Variants in EFR3B observed in about 807,000 individuals in gnomAD.
EFR3B encodes protein EFR3 homolog B.
Under a neutral mutation model 104.7 loss-of-function variants are expected in EFR3B, and 64 were observed. The ratio of observed to expected loss-of-function variants is 0.61; its 90% CI spans 0.50 to 0.75. The LOEUF is 0.75. EFR3B is among the 30% of genes least tolerant of loss of function. The pLI is 0.00. For missense variants in EFR3B, 750 were observed against 1,078.5 expected (o/e 0.70, Z 4.27); for synonymous variants, 385 against 417.9 (o/e 0.92, Z 0.96).
At chr2:25,081,377 A>T in intron 1 of EFR3B, 1 of 1,025,970 alleles carries the variant, frequency 9.7e-7, no homozygotes, top group South Asian at 1.4e-5. Context: ...CAGTACTCAT[A>T]GTTACAGTTT....
chr2:25,142,254 C>A (rs1670689962), intron 17 of EFR3B, among the ~76,000 whole-genome samples: 1 of 152,022 alleles, frequency 6.6e-6, no homozygotes, highest in South Asian at 2.1e-4. Flanking sequence ...ACCATCCTGG[C>A]CAACATGGTG....
At chr2:25,151,305 G>T (rs892408584) in intron 20 of EFR3B, among the ~76,000 whole-genome samples, 2 of 152,014 alleles carry the variant, frequency 1.3e-5, no homozygotes, top group Admixed American at 1.3e-4. Flanking sequence ...ACCCAGGCTA[G>T]AGTGCAATGG....
At chr2:25,084,479 TC>T (rs1668895914) in intron 1 of EFR3B, among the ~76,000 whole-genome samples, 1 of 152,158 alleles carries the variant, frequency 6.6e-6, no homozygotes, top group South Asian at 2.1e-4. Context: ...TCTCACGTGA[TC>T]CACCTGTCTT....
chr2:25,155,829 T>C lies in EFR3B; in HGVS notation c.*1489T>C, dbSNP rs1671151246. Reference sequence around the variant, plus strand: ...TTCCAAAGGAGGCAGGGTGAGTAGATTTCTTGATCCAAAGGAATCCGTTTT... The same window carrying C: ...TTCCAAAGGAGGCAGGGTGAGTAGACTTCTTGATCCAAAGGAATCCGTTTT... On this transcript the variant is annotated 3_prime_UTR_variant, in exon 23 of 23. Transcript: ENST00000403714. 6.6e-6 allele frequency: 1 copy of C among 152,214 alleles called. No individual in the cohort carries two copies. The highest frequency in any genetic ancestry group is 2.4e-5 in the African/African-American group (1 of 41,458). The allele number at this position is 152,214 out of a possible 1,614,324, so 9.4% of individuals were successfully genotyped here.
chr2:25,051,872 TCA>T (rs1667880551), intron 1 of EFR3B, among the ~76,000 whole-genome samples: 5 of 150,440 alleles, frequency 3.3e-5, no homozygotes, highest in Non-Finnish European at 5.9e-5. Flanking sequence ...TCTCCTGACC[TCA>T]GGTGATCCGC....
At chr2:25,081,608 T>C (rs1668808112) in intron 1 of EFR3B, 1 of 788,584 alleles carries the variant, frequency 1.3e-6, no homozygotes, top group Non-Finnish European at 2.3e-6. Flanking sequence ...GCCTGAGCAG[T>C]GGCCCGCAGG....
At chr2:25,069,983 C>T (rs376741069) in intron 1 of EFR3B, among the ~76,000 whole-genome samples, 1 of 152,196 alleles carries the variant, frequency 6.6e-6, no homozygotes, top group Non-Finnish European at 1.5e-5. Context: ...AGGCCTGAGC[C>T]CCCACACCCA....
In EFR3B at chr2:25,155,368, A is replaced by G. The variant is rs1671132037; in HGVS notation, c.*1028A>G. On this transcript the variant is annotated 3_prime_UTR_variant, in exon 23 of 23. Transcript: ENST00000403714. ...GTTCCGTTTGAAGAAAGAAGGATCT[A>G]ACACCTAATATTGGAATGATTTCTT... 1 of 152,190 alleles carries G rather than the reference A, an allele frequency of 6.6e-6. No homozygotes were observed. The highest frequency in any genetic ancestry group is 1.5e-5 in the Non-Finnish European group (1 of 68,044). The allele number at this position is 152,190 out of a possible 1,614,324, so 9.4% of individuals were successfully genotyped here. A position where few individuals can be genotyped will look rare whatever the true frequency, so the allele number is the denominator to read the frequency against.
rs1669577368 is a variant in EFR3B at position 25,106,840 on chromosome 2, T to C, written c.363+3053T>C. 2.6e-5 allele frequency among the ~76,000 whole-genome samples: 4 copies of C among 152,336 alleles called. No individual in the cohort carries two copies. The South Asian group carries it at 8.3e-4, about 32-fold the overall frequency. On this transcript the variant is annotated intron_variant, in intron 4 of 22. Transcript: ENST00000403714. The stretch of plus-strand genomic sequence containing the variant: ...CTCAAGTGATCCACCTGCCTTGGCC[T>C]CCCAAAGTGCTGAGATTACAGGTGT...
At chr2:25,056,150 G>A (rs1395841740) in intron 1 of EFR3B, among the ~76,000 whole-genome samples, 1 of 152,150 alleles carries the variant, frequency 6.6e-6, no homozygotes, top group Non-Finnish European at 1.5e-5. Context: ...ATAACATTTT[G>A]TCATCTCAGC....
chr2:25,144,555 A>G (rs188828263), intron 18 of EFR3B, among the ~76,000 whole-genome samples: 1 of 152,168 alleles, frequency 6.6e-6, no homozygotes, highest in Non-Finnish European at 1.5e-5. Flanking sequence ...AAAAAAAACA[A>G]AAAAACAAAA....
intron 6 of EFR3B, among the ~76,000 whole-genome samples, chr2:25,129,132 G>C (rs539709022): frequency 1.3e-5 from 2 of 152,010 alleles, no homozygotes; most frequent in Admixed American, 6.6e-5. Context: ...GTAAGAGCTT[G>C]CAGATACTGG....
chr2:25,087,069 A>G (rs1036079400), intron 1 of EFR3B, among the ~76,000 whole-genome samples: 2 of 152,188 alleles, frequency 1.3e-5, no homozygotes, highest in Non-Finnish European at 1.5e-5. Context: ...TTACGGCAGA[A>G]GGGGAAGCAA....
chr2:25,045,783 C>CA (rs11379149), intron 1 of EFR3B, among the ~76,000 whole-genome samples: 3,534 of 138,450 alleles, frequency 0.026, 105 homozygotes, highest in East Asian at 0.098. Flanking sequence ...GACTCCATCT[C>CA]AAAAAAAAAA....
In EFR3B at chr2:25,121,231, T is replaced by G. The variant is rs189355876; in HGVS notation, c.364-442T>G. Among the ~76,000 whole-genome samples the G allele has an allele frequency of 1.3e-3, 197 of 152,302 alleles. 1 individual carries two copies. The highest frequency in any genetic ancestry group is 4.7e-3 in the African/African-American group (196 of 41,564). The stretch of plus-strand genomic sequence containing the variant: ...TCCAGTTTCTAACAATAAAGTGTAA[T>G]TACATTTTAAAGTCAAATTTCAGAT... On this transcript the variant is annotated intron_variant, in intron 4 of 22. Transcript: ENST00000403714.
In EFR3B at chr2:25,128,402, G is replaced by C. The variant is rs186677210; in HGVS notation, c.635+70G>C. Reference sequence around the variant, plus strand: ...TCCAAGGGCTGCTTGGGAACCACATGGTTTGGGTTGGTCAGTAAAACTCAG... The same window carrying C: ...TCCAAGGGCTGCTTGGGAACCACATCGTTTGGGTTGGTCAGTAAAACTCAG... On this transcript the variant is annotated intron_variant, in intron 6 of 22. Transcript: ENST00000403714. 1.4e-5 allele frequency: 22 copies of C among 1,534,706 alleles called. No individual in the cohort carries two copies. The African/African-American group carries it at 2.7e-4, about 19-fold the overall frequency.
chr2:25,067,063 A>G (rs1668354538), intron 1 of EFR3B, among the ~76,000 whole-genome samples: 1 of 152,212 alleles, frequency 6.6e-6, no homozygotes, highest in Non-Finnish European at 1.5e-5. Flanking sequence ...CTGTGTCTCC[A>G]CTGTCCAGTG....
At position 25,153,704 on chromosome 2, in the gene EFR3B, G is replaced by C. The variant is rs1166219984; in HGVS notation, c.2299-8G>C. On this transcript the variant is annotated splice_region_variant and splice_polypyrimidine_tract_variant and intron_variant, in intron 21 of 22. Coordinates refer to ENST00000403714, the MANE Select transcript of EFR3B (RefSeq NM_014971.2). ...CCTGCCAGCTCACTTCCGTGTGTTT[G>C]TGTCTAGGCATCGCTGCTCCAGAGC... 2 of 1,551,712 alleles carry C rather than the reference G, an allele frequency of 1.3e-6. No individual in the cohort carries two copies. Among genetic ancestry groups the C allele is most frequent in the Non-Finnish European group, 8.7e-7 (1 of 1,147,002 alleles).
intron 1 of EFR3B, among the ~76,000 whole-genome samples, chr2:25,078,688 A>G (rs77191780): frequency 0.014 from 2,171 of 152,316 alleles, 27 homozygotes; most frequent in Non-Finnish European, 0.023. Flanking sequence ...AGTCACTGAA[A>G]TAACTTCGCC....
Sources: allele counts gnomAD v4.1 joint callset (sites outside exome capture counted in the v4.1 genomes callset), GRCh38; gene constraint gnomAD v4.1.1; transcripts MANE v1.5; gene names NCBI Gene and HGNC (gene_info 2026-07-23, HGNC 2026-07-21).